Variants in DACH1 observed in about 807,000 individuals in gnomAD.
DACH1 encodes the protein dachshund family transcription factor 1.
DACH1 carries 12 observed loss-of-function variants against 54.2 expected under a neutral mutation model. The observed-to-expected ratio is 0.22, with a 90% CI of 0.14 to 0.36. The LOEUF is 0.36. DACH1 is among the 10% of genes least tolerant of loss of function. The pLI is 1.00. For missense variants in DACH1, 805 were observed against 929.8 expected, an observed-to-expected ratio of 0.87 and a Z score of 1.75; for synonymous variants, 386 against 366.2, an observed-to-expected ratio of 1.05 and a Z score of -0.62.
At chr13:71,736,627 C>G (rs1002808006) in intron 1 of DACH1, among the ~76,000 whole-genome samples, 1 of 151,668 alleles carries the variant, frequency 6.6e-6, no homozygotes, top group African/African-American at 2.4e-5. Context: ...TTTTTTTTCC[C>G]GTAAGAAAGA....
chr13:71,494,179 A>C (rs1175930806), intron 6 of DACH1, among the ~76,000 whole-genome samples: 1 of 152,144 alleles, frequency 6.6e-6, no homozygotes, highest in Admixed American at 6.5e-5. Flanking sequence ...AGTTCTCTAC[A>C]TTAAGTTGTT....
intron 1 of DACH1, among the ~76,000 whole-genome samples, chr13:71,860,394 C>A (rs1874273640): frequency 6.6e-6 from 1 of 150,436 alleles, no homozygotes; most frequent in Admixed American, 6.6e-5. Flanking sequence ...TTTTAAATAC[C>A]CAAGCCAATA....
chr13:71,601,414 T>A (rs1874484305), intron 3 of DACH1, among the ~76,000 whole-genome samples: 1 of 152,100 alleles, frequency 6.6e-6, no homozygotes, highest in South Asian at 2.1e-4. Flanking sequence ...TTTATGAAAC[T>A]GTCTTCAACG....
In DACH1 at chr13:71,766,048, A is replaced by G. The variant is rs186024103; in HGVS notation, c.849-84138T>C. ...ACAACAGGCGCCCGCCACCACGTCC[A>G]GCTAATTTTTTGTATTTTTAGTAGA... On this transcript the variant is annotated intron_variant, in intron 1 of 10. Coordinates refer to ENST00000613252, the MANE Select transcript of DACH1 (RefSeq NM_080759.6). 3.2e-3 allele frequency among the ~76,000 whole-genome samples: 491 copies of G among 152,202 alleles called. 1 individual carries two copies. The highest frequency in any genetic ancestry group is 0.01 in the African/African-American group (433 of 41,548).
At chr13:71,627,971 C>T (rs1282896247) in intron 3 of DACH1, among the ~76,000 whole-genome samples, 3 of 152,014 alleles carry the variant, frequency 2.0e-5, no homozygotes, top group Admixed American at 6.6e-5. Flanking sequence ...AATCTACCAA[C>T]CTTACTGATG....
chr13:71,658,564 A>T (rs923672687), intron 2 of DACH1, among the ~76,000 whole-genome samples: 1 of 152,148 alleles, frequency 6.6e-6, no homozygotes, highest in South Asian at 2.1e-4. Flanking sequence ...AAAAAGTAAT[A>T]AAAAAAGCAC....
intron 10 of DACH1, among the ~76,000 whole-genome samples, chr13:71,467,812 T>C (rs1013466296): frequency 6.6e-6 from 1 of 152,148 alleles, no homozygotes; most frequent in Non-Finnish European, 1.5e-5. Flanking sequence ...GAGGGAAATT[T>C]ATTGTTTTGT....
At chr13:71,627,541 C>T (rs775624352) in intron 3 of DACH1, among the ~76,000 whole-genome samples, 2 of 151,974 alleles carry the variant, frequency 1.3e-5, no homozygotes, top group Non-Finnish European at 2.9e-5. Flanking sequence ...TGAGAGCAGT[C>T]TGTATTCTAA....
Position 71,781,470 on chromosome 13 carries a change from C to T in DACH1, c.848+84452G>A, listed in dbSNP as rs1171213067. On this transcript the variant is annotated intron_variant, in intron 1 of 10. Transcript: ENST00000613252. The stretch of plus-strand genomic sequence containing the variant: ...CTCGGCTCACTGCAAGCTCTGCCTC[C>T]TGGGTTCATGCCATTCTCCTGCCTC... Among the ~76,000 whole-genome samples, 4 of 151,928 alleles carry T rather than the reference C, an allele frequency of 2.6e-5. No individual in the cohort carries two copies. The East Asian group carries it at 7.8e-4, about 30-fold the overall frequency.
intron 6 of DACH1, among the ~76,000 whole-genome samples, chr13:71,555,362 G>C (rs1162288165): frequency 7.4e-6 from 1 of 134,464 alleles, no homozygotes; most frequent in East Asian, 2.1e-4. Flanking sequence ...TTTTTTTTTT[G>C]ACATGGACTC....
intron 6 of DACH1, among the ~76,000 whole-genome samples, chr13:71,501,175 C>T (rs1449065439): frequency 6.6e-6 from 1 of 152,130 alleles, no homozygotes; most frequent in Non-Finnish European, 1.5e-5. Context: ...TAAAATTAAA[C>T]TATAACTCGA....
intron 2 of DACH1, among the ~76,000 whole-genome samples, chr13:71,637,355 T>C (rs1431513779): frequency 6.6e-6 from 1 of 152,188 alleles, no homozygotes; most frequent in African/African-American, 2.4e-5. Context: ...AAGTAACTCA[T>C]ACGATCCATC....
At chr13:71,505,555 A>G (rs1471105564) in intron 6 of DACH1, among the ~76,000 whole-genome samples, 1 of 152,154 alleles carries the variant, frequency 6.6e-6, no homozygotes, top group Non-Finnish European at 1.5e-5. Context: ...ACTTAGTTAC[A>G]TAAGTACATA....
intron 3 of DACH1, among the ~76,000 whole-genome samples, chr13:71,612,517 G>A (rs1446546548): frequency 6.6e-6 from 1 of 151,948 alleles, no homozygotes; most frequent in African/African-American, 2.4e-5. Flanking sequence ...CTAATAACCT[G>A]GAGTAAACAC....
chr13:71,835,670 A>G (rs550070003), intron 1 of DACH1, among the ~76,000 whole-genome samples: 1 of 152,218 alleles, frequency 6.6e-6, no homozygotes, highest in East Asian at 1.9e-4. Flanking sequence ...TTGTCCCAAC[A>G]GAATTAGTAA....
intron 1 of DACH1, among the ~76,000 whole-genome samples, chr13:71,763,520 C>T (rs954763610): frequency 2.2e-5 from 3 of 137,886 alleles, no homozygotes; most frequent in African/African-American, 8.6e-5. Flanking sequence ...AATATCTTAT[C>T]AAAGCTCTTC....
intron 1 of DACH1, among the ~76,000 whole-genome samples, chr13:71,699,870 G>A (rs1227564685): frequency 2.6e-5 from 4 of 152,012 alleles, no homozygotes; most frequent in Admixed American, 1.3e-4. Flanking sequence ...AATTGCTATA[G>A]TCTCACTTTA....
Position 71,761,521 on chromosome 13 carries a change from T to C in DACH1, c.849-79611A>G, listed in dbSNP as rs186072897. ...GATGAATTGTTTTAGTGAGGAATAT[T>C]TGCATTTTTCCCTTTCTTATGGGAT... On this transcript the variant is annotated intron_variant, in intron 1 of 10. Coordinates refer to ENST00000613252, the MANE Select transcript of DACH1 (RefSeq NM_080759.6). 2.1e-4 allele frequency among the ~76,000 whole-genome samples: 32 copies of C among 152,348 alleles called. No homozygotes were observed. The East Asian group carries it at 3.5e-3, about 17-fold the overall frequency.
intron 2 of DACH1, among the ~76,000 whole-genome samples, chr13:71,645,798 T>G (rs557035101): frequency 6.6e-6 from 1 of 152,216 alleles, no homozygotes; most frequent in African/African-American, 2.4e-5. Flanking sequence ...CTTTTGTTGG[T>G]TTTTTAACCT....
Sources: allele counts gnomAD v4.1 joint callset (sites outside exome capture counted in the v4.1 genomes callset), GRCh38; gene constraint gnomAD v4.1.1; transcripts MANE v1.5; gene names NCBI Gene and HGNC (gene_info 2026-07-23, HGNC 2026-07-21).